CADPS: variants seen among roughly 807,000 people sequenced by gnomAD.
CADPS encodes the protein calcium dependent secretion activator, also known as calcium-dependent secretion activator 1.
Under a neutral mutation model 167.3 loss-of-function variants are expected in CADPS, and 57 were observed. The observed-to-expected ratio is 0.34, with a 90% CI of 0.28 to 0.42. The LOEUF (loss-of-function observed/expected upper bound fraction) is 0.42. Ranked by LOEUF, CADPS falls within the 20% of genes least tolerant of loss-of-function variation. CADPS has a pLI of 1.00. For synonymous variants in CADPS, 676 were observed against 635.3 expected (o/e 1.06, Z -0.96); for missense variants, 1,414 against 1,738.1 (o/e 0.81, Z 3.32).
intron 8 of CADPS, among the ~76,000 whole-genome samples, chr3:62,584,274 T>C (rs994568174): frequency 1.3e-5 from 2 of 152,212 alleles, no homozygotes; most frequent in Admixed American, 6.5e-5. Flanking sequence ...CCCAAAGTGC[T>C]GGGATTACAG....
At chr3:62,464,394 G>T (rs895549421) in intron 26 of CADPS, among the ~76,000 whole-genome samples, 8 of 152,134 alleles carry the variant, frequency 5.3e-5, no homozygotes, top group Middle Eastern at 3.2e-3. Context: ...AGACCCACAG[G>T]CAGTGGGTCC....
At chr3:62,525,864 C>T (rs1216100360) in intron 13 of CADPS, among the ~76,000 whole-genome samples, 2 of 152,008 alleles carry the variant, frequency 1.3e-5, no homozygotes, top group African/African-American at 4.8e-5. Flanking sequence ...GAAACGGCCA[C>T]CCAACATTGG....
chr3:62,447,365 C>G (rs7611540), intron 26 of CADPS, among the ~76,000 whole-genome samples: 2 of 152,018 alleles, frequency 1.3e-5, no homozygotes, highest in African/African-American at 4.8e-5. Flanking sequence ...GCCCCCAAGA[C>G]GATTCCTGGA....
At chr3:62,543,021 A>T (rs2075954371) in intron 11 of CADPS, among the ~76,000 whole-genome samples, 1 of 152,186 alleles carries the variant, frequency 6.6e-6, no homozygotes, top group Non-Finnish European at 1.5e-5. Flanking sequence ...TACTCAATTA[A>T]CTAGTGAATA....
chr3:62,733,189 G>A (rs558448828), intron 3 of CADPS, among the ~76,000 whole-genome samples: 1 of 152,254 alleles, frequency 6.6e-6, no homozygotes, highest in African/African-American at 2.4e-5. Flanking sequence ...TCACAGTTGG[G>A]GTCACCCATC....
chr3:62,634,693 T>C (rs1367082056), intron 6 of CADPS, among the ~76,000 whole-genome samples: 1 of 152,204 alleles, frequency 6.6e-6, no homozygotes, highest in African/African-American at 2.4e-5. Flanking sequence ...GCCAAAGGTA[T>C]ATAAAATATT....
intron 13 of CADPS, among the ~76,000 whole-genome samples, chr3:62,520,831 G>T (rs1192695704): frequency 1.3e-5 from 2 of 152,230 alleles, no homozygotes; most frequent in South Asian, 2.1e-4. Context: ...AAAGCAAAAG[G>T]ATCCCTTTTT....
At chr3:62,657,124 G>A (rs1227618207) in intron 4 of CADPS, among the ~76,000 whole-genome samples, 2 of 152,178 alleles carry the variant, frequency 1.3e-5, no homozygotes, top group Non-Finnish European at 2.9e-5. Flanking sequence ...TTCTCTGGTA[G>A]GAGAGGATTC....
intron 6 of CADPS, among the ~76,000 whole-genome samples, chr3:62,638,523 T>C (rs1371524240): frequency 3.3e-5 from 5 of 152,090 alleles, no homozygotes; most frequent in African/African-American, 1.2e-4. Flanking sequence ...AGAAGCTGAA[T>C]CAGAAAGGAA....
chr3:62,614,416 T>C (rs191797763), intron 6 of CADPS, among the ~76,000 whole-genome samples: 1 of 152,192 alleles, frequency 6.6e-6, no homozygotes. Context: ...ATGATCCTTG[T>C]TGAGCATTTT....
At chr3:62,545,647 T>C (rs559537709) in intron 11 of CADPS, among the ~76,000 whole-genome samples, 1 of 152,186 alleles carries the variant, frequency 6.6e-6, no homozygotes, top group East Asian at 1.9e-4. Flanking sequence ...TCCACATAAA[T>C]ACCCCACTCC....
chr3:62,493,582 C>T (rs1449807677), intron 19 of CADPS, 63 bp downstream of exon 19: 2 of 1,282,960 alleles, frequency 1.6e-6, no homozygotes, highest in South Asian at 2.6e-5. Flanking sequence ...GATATTCTAA[C>T]AGCCACTAGG....
intron 1 of CADPS, among the ~76,000 whole-genome samples, chr3:62,844,497 G>GTGA (rs2077096953): frequency 1.3e-5 from 2 of 152,014 alleles, no homozygotes; most frequent in Non-Finnish European, 2.9e-5. Context: ...ACACTTTACT[G>GTGA]AGGAGCAAAC....
At chr3:62,755,997 G>C (rs140430775) in intron 2 of CADPS, among the ~76,000 whole-genome samples, 4 of 152,004 alleles carry the variant, frequency 2.6e-5, no homozygotes, top group African/African-American at 9.6e-5. Flanking sequence ...CCTCTAACTT[G>C]CTGTGTGACC....
In CADPS at chr3:62,433,486, C is replaced by T. The variant is rs549161938; in HGVS notation, c.3777+4618G>A. Among the ~76,000 whole-genome samples the T allele has an allele frequency of 6.6e-6, 1 of 152,248 alleles. No homozygotes were observed. The highest frequency in any genetic ancestry group is 1.5e-5 in the Non-Finnish European group (1 of 68,004). On this transcript the variant is annotated intron_variant, in intron 28 of 29. Coordinates refer to ENST00000383710, the MANE Select transcript of CADPS (RefSeq NM_003716.4). This position sits in a 1 kb window ranked among gnomAD's most constrained non-coding sequence, Gnocchi z 4.7. ...AGAAGCCAAATGCAGAGTCAATCTG[C>T]AAATACTTAATCCTCCAGAAGGCAG...
In CADPS at chr3:62,474,154, T is replaced by G; in HGVS notation, c.3477+19A>C. ...ATGAAGAGGGAAAAAAAAATCTGTATTTTTTTTTTTTTTTTTACCTCTTGG... is the reference window on the plus strand; with the variant it reads ...ATGAAGAGGGAAAAAAAAATCTGTAGTTTTTTTTTTTTTTTTACCTCTTGG... On this transcript the variant is annotated intron_variant, in intron 24 of 29. Coordinates refer to ENST00000383710, the MANE Select transcript of CADPS (RefSeq NM_003716.4). 1 of 582,968 alleles carries G rather than the reference T, an allele frequency of 1.7e-6. No homozygotes were observed. Among genetic ancestry groups the G allele is most frequent in the South Asian group, 5.6e-5 (1 of 17,720 alleles). 36.1% of individuals were successfully genotyped at this position (582,968 alleles called of 1,614,324 possible). A position where few individuals can be genotyped will look rare whatever the true frequency, so the allele number is the denominator to read the frequency against.
intron 23 of CADPS, among the ~76,000 whole-genome samples, chr3:62,475,574 C>A (rs1190560513): frequency 1.1e-5 from 1 of 94,232 alleles, no homozygotes; most frequent in African/African-American, 4.2e-5. Flanking sequence ...GTTGGGAGCC[C>A]AGTTCTTAAG....
chr3:62,829,885 C>T (rs905263702), intron 1 of CADPS, among the ~76,000 whole-genome samples: 4 of 152,120 alleles, frequency 2.6e-5, no homozygotes, highest in East Asian at 3.9e-4. Context: ...GCATTTCCAC[C>T]TCCTACTTGA....
intron 3 of CADPS, among the ~76,000 whole-genome samples, chr3:62,746,821 G>A (rs1263421650): frequency 4.6e-5 from 7 of 152,144 alleles, no homozygotes; most frequent in Admixed American, 2.6e-4. Flanking sequence ...AGCCTCGCCA[G>A]CACCTTAATT....
Sources: gnomAD v4.1 joint callset for allele counts (sites outside exome capture counted in the v4.1 genomes callset) on GRCh38, gnomAD v4.1.1 for gene constraint, Gnocchi (gnomAD v3.1) non-coding constraint, MANE v1.5 for transcripts, NCBI Gene and HGNC (gene_info 2026-07-23, HGNC 2026-07-21) for gene names.